Variants in ZNF385D observed in about 807,000 individuals in gnomAD.
ZNF385D encodes the protein zinc finger protein 659.
In ZNF385D, 15 loss-of-function variants were observed where a neutral mutation model predicts 35.8. The observed-to-expected ratio is 0.42, with a 90% confidence interval of 0.28 to 0.64. The LOEUF (loss-of-function observed/expected upper bound fraction) is 0.64. Ranked by LOEUF, ZNF385D falls within the 30% of genes least tolerant of loss-of-function variation. The probability of loss-of-function intolerance (pLI) is 0.23; values close to 1 mark genes in which losing one functional copy is unlikely to be tolerated. For synonymous variants in ZNF385D, 212 were observed against 186.8 expected, an observed-to-expected ratio of 1.13 and a Z score of -1.10; for missense variants, 474 against 494.6, an observed-to-expected ratio of 0.96 and a Z score of 0.39.
intron 3 of ZNF385D, among the ~76,000 whole-genome samples, chr3:22,072,403 A>G (rs1700270412): frequency 6.6e-6 from 1 of 152,064 alleles, no homozygotes; most frequent in Admixed American, 6.6e-5. Flanking sequence ...AAGAGGCTTC[A>G]TCTGTCCTTC....
intron 3 of ZNF385D, among the ~76,000 whole-genome samples, chr3:21,998,317 C>T (rs181652094): frequency 9.7e-4 from 148 of 152,262 alleles, no homozygotes; most frequent in African/African-American, 3.4e-3. Context: ...TGCTCTAATA[C>T]ATTTGGTTTC....
chr3:21,879,010 T>A (rs556866221), intron 3 of ZNF385D, among the ~76,000 whole-genome samples: 11 of 152,018 alleles, frequency 7.2e-5, no homozygotes, highest in Non-Finnish European at 1.5e-4. Flanking sequence ...CAACAGTAGT[T>A]CTCTTGTGAT....
At chr3:21,529,153 G>A (rs2061859522) in intron 3 of ZNF385D, among the ~76,000 whole-genome samples, 1 of 151,902 alleles carries the variant, frequency 6.6e-6, no homozygotes, top group Non-Finnish European at 1.5e-5. Context: ...TTGTATGGTT[G>A]GCATAACTAG....
intron 3 of ZNF385D, among the ~76,000 whole-genome samples, chr3:22,009,629 A>AT (rs1559845293): frequency 3.1e-5 from 3 of 95,516 alleles, no homozygotes; most frequent in Admixed American, 1.6e-4. Context: ...TCTCAAAAAA[A>AT]AAAATAAAAA....
chr3:22,227,861 G>A (rs1000819722), intron 2 of ZNF385D, among the ~76,000 whole-genome samples: 1 of 152,178 alleles, frequency 6.6e-6, no homozygotes, highest in African/African-American at 2.4e-5. Context: ...CCTCTGAGCT[G>A]CTTCTCTGGG....
At position 21,425,689 on chromosome 3, in the gene ZNF385D, TGAAGGAAGGAAAGGAGGGAGGAAA is replaced by T; in HGVS notation, c.674-43_674-20del. On this transcript the variant is annotated intron_variant, in intron 5 of 7. Coordinates refer to ENST00000281523, the MANE Select transcript of ZNF385D (RefSeq NM_024697.3). ...TTAGTACCTGTCAGGAATATTGAAATGAAGGAAGGAAAGGAGGGAGGAAAGAAGGGAGGGAGAGAAGGAGGTGGG... is the reference window on the plus strand; with the variant it reads ...TTAGTACCTGTCAGGAATATTGAAATGAAGGGAGGGAGAGAAGGAGGTGGG... 1.4e-6 allele frequency: 2 copies of T among 1,463,206 alleles called. No individual in the cohort carries two copies. Among genetic ancestry groups the T allele is most frequent in the Non-Finnish European group, 1.8e-6 (2 of 1,096,338 alleles). 90.6% of individuals were successfully genotyped at this position (1,463,206 alleles called of 1,614,324 possible).
intron 3 of ZNF385D, among the ~76,000 whole-genome samples, chr3:21,808,723 T>A (rs1045163402): frequency 2.0e-5 from 3 of 152,162 alleles, no homozygotes; most frequent in Non-Finnish European, 4.4e-5. Context: ...GTGATCTGAA[T>A]GAAGAAATGT....
At chr3:21,511,154 G>A in intron 3 of ZNF385D, 131 bp from the exon 4 acceptor site, 1 of 1,086,996 alleles carries the variant, frequency 9.2e-7, no homozygotes, top group Non-Finnish European at 1.3e-6. Flanking sequence ...TGGCCAGACA[G>A]TGGGGTTCTA....
intron 3 of ZNF385D, among the ~76,000 whole-genome samples, chr3:22,056,758 G>T (rs769662222): frequency 6.6e-6 from 1 of 152,168 alleles, no homozygotes; most frequent in African/African-American, 2.4e-5. Flanking sequence ...CATGCTTACA[G>T]GTCTGAGGGT....
intron 3 of ZNF385D, among the ~76,000 whole-genome samples, chr3:21,938,691 T>C (rs910063469): frequency 1.3e-5 from 2 of 152,196 alleles, no homozygotes. Context: ...CATTCCTTTC[T>C]TACCGTGCTT....
chr3:21,519,118 T>C (rs1707761171), intron 3 of ZNF385D, among the ~76,000 whole-genome samples: 1 of 151,184 alleles, frequency 6.6e-6, no homozygotes, highest in Non-Finnish European at 1.5e-5. Context: ...GCTACGGGAA[T>C]AGAAAAAAAG....
At chr3:22,312,719 T>G (rs892156397) in intron 2 of ZNF385D, among the ~76,000 whole-genome samples, 1 of 150,558 alleles carries the variant, frequency 6.6e-6, no homozygotes, top group African/African-American at 2.5e-5. Flanking sequence ...CTCACACCAG[T>G]TAGAATGGCA....
chr3:21,866,899 G>A (rs1284510575), intron 3 of ZNF385D, among the ~76,000 whole-genome samples: 1 of 152,130 alleles, frequency 6.6e-6, no homozygotes, highest in Non-Finnish European at 1.5e-5. Context: ...TTTCTTATCA[G>A]TGCCTATTAG....
At chr3:22,308,667 T>C (rs7641556) in intron 2 of ZNF385D, among the ~76,000 whole-genome samples, 85,902 of 151,700 alleles carry the variant, frequency 0.57, 24,673 homozygotes, top group South Asian at 0.66. Context: ...TTTATTGATA[T>C]CAGAATTTAC....
chr3:21,709,577 T>A (rs1046709494), intron 1 of ZNF385D, among the ~76,000 whole-genome samples: 6 of 152,154 alleles, frequency 3.9e-5, no homozygotes, highest in East Asian at 3.9e-4. Context: ...GTCTTTTCAA[T>A]AGAAGTGACT....
chr3:22,284,471 T>C (rs1559498248), intron 2 of ZNF385D, among the ~76,000 whole-genome samples: 1 of 152,058 alleles, frequency 6.6e-6, no homozygotes, highest in African/African-American at 2.4e-5. Flanking sequence ...ATTACAGGCA[T>C]GAGCCACTGC....
chr3:21,868,870 C>A (rs993484911), intron 3 of ZNF385D, among the ~76,000 whole-genome samples: 2 of 152,058 alleles, frequency 1.3e-5, no homozygotes, highest in Admixed American at 1.3e-4. Context: ...CCATCTGTTA[C>A]ATGGACACTC....
At chr3:21,623,294 G>A (rs1333440725) in intron 2 of ZNF385D, among the ~76,000 whole-genome samples, 1 of 152,052 alleles carries the variant, frequency 6.6e-6, no homozygotes, top group Non-Finnish European at 1.5e-5. Flanking sequence ...AATGATGTTT[G>A]GCATTTATGA....
At chr3:21,694,457 C>T (rs1456773552) in intron 1 of ZNF385D, among the ~76,000 whole-genome samples, 2 of 152,130 alleles carry the variant, frequency 1.3e-5, no homozygotes, top group East Asian at 1.9e-4. Flanking sequence ...AGGGGATTCT[C>T]CTGCTCAATA....
Sources: allele counts gnomAD v4.1 joint callset (sites outside exome capture counted in the v4.1 genomes callset), GRCh38; gene constraint gnomAD v4.1.1; transcripts MANE v1.5; gene names NCBI Gene and HGNC (gene_info 2026-07-23, HGNC 2026-07-21).